The following DCAF8L2 variants were observed in gnomAD, a reference collection of about 807,000 sequenced individuals.
The protein encoded by DCAF8L2 is DDB1- and CUL4-associated factor 8-like protein 2.
For synonymous variants in DCAF8L2, 200 were observed against 190.9 expected, an observed-to-expected ratio of 1.05 and a Z score of -0.39; for missense variants, 430 against 490.7, an observed-to-expected ratio of 0.88 and a Z score of 1.17.
At chrX:27,702,401 C>CA (rs79479807) in intron 3 of DCAF8L2, among the ~76,000 whole-genome samples, 1 of 104,425 alleles carries the variant, frequency 9.6e-6, no homozygotes, top group Non-Finnish European at 2.0e-5. Context: ...AAGATACCAA[C>CA]AAAAAAAACC....
At chrX:27,667,525 A>G (rs915297660) in intron 2 of DCAF8L2, among the ~76,000 whole-genome samples, 2 of 111,821 alleles carry the variant, frequency 1.8e-5, no homozygotes, top group Admixed American at 9.5e-5. Context: ...AGGACACAGT[A>G]CTAGATAGCT....
intron 3 of DCAF8L2, among the ~76,000 whole-genome samples, chrX:27,705,319 G>C (rs1265156236): frequency 2.7e-5 from 3 of 111,256 alleles, no homozygotes; most frequent in Admixed American, 1.9e-4. Context: ...ATATAACTAG[G>C]AGTAAAATTA....
the DCAF8L2 span, among the ~76,000 whole-genome samples, chrX:27,500,463 A>G: frequency 8.9e-6 from 1 of 111,858 alleles, no homozygotes; most frequent in Admixed American, 9.5e-5. Context: ...CAGATCGGCC[A>G]TGTAGCATGT....
Position 27,748,880 on chromosome X carries a change from A to G in DCAF8L2, c.*89A>G. ...CTAATTTAGAATTGTCAATAGATTA[A>G]TAGATTTGCTTTTTGTCTTCTATTT... is the stretch of plus-strand genomic sequence containing the variant. On this transcript the variant is annotated 3_prime_UTR_variant, in exon 5 of 5. Transcript: ENST00000451261. 1 of 1,028,932 alleles carries G rather than the reference A, an allele frequency of 9.7e-7. No individual in the cohort carries two copies. The highest frequency in any genetic ancestry group is 1.3e-6 in the Non-Finnish European group (1 of 781,871). 84.8% of individuals were successfully genotyped at this position (1,028,932 alleles called of 1,213,427 possible).
the DCAF8L2 span, among the ~76,000 whole-genome samples, chrX:27,496,668 C>G: frequency 8.9e-6 from 1 of 111,966 alleles, no homozygotes; most frequent in African/African-American, 3.3e-5. Flanking sequence ...CCACTTTTTA[C>G]TTATTATGTA....
the DCAF8L2 span, among the ~76,000 whole-genome samples, chrX:27,533,058 T>C: frequency 3.1e-5 from 3 of 98,239 alleles, no homozygotes; most frequent in African/African-American, 1.1e-4. Context: ...GCCTGAGTAA[T>C]AGAGTGAGAC....
chrX:27,586,309 T>C (rs1331441929), upstream of DCAF8L2, among the ~76,000 whole-genome samples: 1 of 111,396 alleles, frequency 9.0e-6, no homozygotes, highest in Non-Finnish European at 1.9e-5. Flanking sequence ...AACTGGGTCA[T>C]AGGTATATAT....
chrX:27,560,216 A>G, the DCAF8L2 span, among the ~76,000 whole-genome samples: 2 of 107,307 alleles, frequency 1.9e-5, no homozygotes, highest in African/African-American at 6.8e-5. Context: ...GCAATGAGCC[A>G]AGATCATGCC....
chrX:27,704,503 C>T (rs1056739659), intron 3 of DCAF8L2, among the ~76,000 whole-genome samples: 1 of 109,588 alleles, frequency 9.1e-6, no homozygotes, highest in Admixed American at 9.8e-5. Flanking sequence ...ATTGTGATTG[C>T]CAGGTATGAA....
chrX:27,555,958 A>G, the DCAF8L2 span, among the ~76,000 whole-genome samples: 1 of 111,014 alleles, frequency 9.0e-6, no homozygotes, highest in Non-Finnish European at 1.9e-5. Context: ...GAACCCACCC[A>G]CCAGATGTGG....
the DCAF8L2 span, among the ~76,000 whole-genome samples, chrX:27,475,663 T>C: frequency 1.9e-4 from 21 of 110,728 alleles, no homozygotes; most frequent in South Asian, 3.9e-4. Context: ...ACTTGGAAAA[T>C]AAAATTTAAA....
the DCAF8L2 span, among the ~76,000 whole-genome samples, chrX:27,560,182 G>T: frequency 1.9e-5 from 2 of 108,097 alleles, no homozygotes; most frequent in South Asian, 4.2e-4. Flanking sequence ...CAGGAGAATG[G>T]CATGAACCCA....
At chrX:27,566,131 C>T in the DCAF8L2 span, among the ~76,000 whole-genome samples, 5 of 109,246 alleles carry the variant, frequency 4.6e-5, no homozygotes, top group African/African-American at 1.7e-4. Flanking sequence ...CCCCCCCGAC[C>T]CTGTGGAAGT....
At chrX:27,684,634 G>T (rs1245357060) in intron 3 of DCAF8L2, among the ~76,000 whole-genome samples, 5 of 111,421 alleles carry the variant, frequency 4.5e-5, no homozygotes, top group African/African-American at 1.3e-4. Context: ...ACAGTAGATG[G>T]AACCATGTAT....
At chrX:27,543,675 G>T in the DCAF8L2 span, among the ~76,000 whole-genome samples, 2 of 111,020 alleles carry the variant, frequency 1.8e-5, no homozygotes, top group Non-Finnish European at 3.8e-5. Flanking sequence ...AAGGCAGAGG[G>T]AAATTTAGAA....
At chrX:27,547,845 TTCTC>T in the DCAF8L2 span, among the ~76,000 whole-genome samples, 61 of 46,279 alleles carry the variant, frequency 1.3e-3, no homozygotes, top group Middle Eastern at 0.015. Flanking sequence ...CTCTCTCTCT[TTCTC>T]TCTCTCTCTC....
rs539266607 is a variant in DCAF8L2, at chrX:27,619,536, C to A, written c.-341-12343C>A. Among the ~76,000 whole-genome samples, 8 of 111,551 alleles carry A rather than the reference C, an allele frequency of 7.2e-5. No homozygotes were observed. In the South Asian group the frequency reaches 3.0e-3, roughly 42 times the overall value. ...CATCTGATGCTGGAGCATAAGCAGA[C>A]CTGACACTCCAGCACAAGTTGGCAC... is the stretch of plus-strand genomic sequence containing the variant. On this transcript the variant is annotated intron_variant, in intron 1 of 4. Coordinates refer to ENST00000451261, the MANE Select transcript of DCAF8L2 (RefSeq NM_001353450.2).
chrX:27,471,424 A>C, the DCAF8L2 span, among the ~76,000 whole-genome samples: 1 of 111,356 alleles, frequency 9.0e-6, no homozygotes, highest in African/African-American at 3.3e-5. Flanking sequence ...ACTCTTTAGC[A>C]TTCTACCAGG....
At chrX:27,606,273 TTA>T (rs1180719752) in intron 1 of DCAF8L2, among the ~76,000 whole-genome samples, 32 of 85,921 alleles carry the variant, frequency 3.7e-4, no homozygotes, top group Non-Finnish European at 6.0e-4. Context: ...TATATAGGAA[TTA>T]TATATATATA....
Sources: gnomAD v4.1 joint callset for allele counts (sites outside exome capture counted in the v4.1 genomes callset) on GRCh38, gnomAD v4.1.1 for gene constraint, MANE v1.5 for transcripts, NCBI Gene and HGNC (gene_info 2026-07-23, HGNC 2026-07-21) for gene names.